The following GRIA4 variants were observed in gnomAD, a reference collection of about 807,000 sequenced individuals.
GRIA4 encodes the protein glutamate ionotropic receptor AMPA type subunit 4.
In GRIA4, 34 loss-of-function variants were observed where a neutral mutation model predicts 104.0. The observed-to-expected ratio is 0.33, with a 90% confidence interval of 0.25 to 0.44. The LOEUF is 0.44. Among genes scored for constraint, GRIA4 ranks in the 20% least tolerant of loss-of-function variants. GRIA4 has a pLI of 1.00. For synonymous variants in GRIA4, 386 were observed against 381.9 expected (o/e 1.01, Z -0.13); for missense variants, 750 against 1,096.5 (o/e 0.68, Z 4.46).
rs761094533 is a variant in GRIA4 at position 105,862,042 on chromosome 11, C to A, written c.506C>A (p.Ala169Asp). 4.3e-6 allele frequency: 7 copies of A among 1,610,136 alleles called. No homozygotes were observed. The South Asian group carries it at 7.7e-5, about 18-fold the overall frequency. Residue 169 changes from alanine (A) to aspartate (D), a missense_variant, in exon 5 of 17, where the codon GCT becomes GAT. Coordinates refer to ENST00000282499, the MANE Select transcript of GRIA4 (RefSeq NM_000829.4). ...CCAATAGGATACTCGATACTCCAAG[C>A]TATTATGGAAAAAGCAGGACAAAAT... The part of the protein sequence containing the change: ...DTDRGYSILQ[A>D]IMEKAGQNGW...
chr11:105,829,843 G>C (rs1387553303), intron 4 of GRIA4, among the ~76,000 whole-genome samples: 1 of 151,840 alleles, frequency 6.6e-6, no homozygotes, highest in Non-Finnish European at 1.5e-5. Context: ...CAGGCATAGG[G>C]AGGGCTGAGT....
Position 105,838,283 on chromosome 11 carries a change from A to C in GRIA4, c.488-23741A>C, listed in dbSNP as rs757123983. Among the ~76,000 whole-genome samples the C allele has an allele frequency of 3.4e-4, 51 of 152,178 alleles. 1 individual carries two copies. The highest frequency in any genetic ancestry group is 6.0e-4 in the Non-Finnish European group (41 of 68,024). The stretch of plus-strand genomic sequence containing the variant: ...TCAGTCTTTTTCTACACAATGATGT[A>C]GCATGTGTGTTTTATTTCATTCTGT... On this transcript the variant is annotated intron_variant, in intron 4 of 16. Transcript: ENST00000282499.
chr11:105,853,547 CT>C (rs1427898308), intron 4 of GRIA4, among the ~76,000 whole-genome samples: 1 of 152,132 alleles, frequency 6.6e-6, no homozygotes, highest in African/African-American at 2.4e-5. Context: ...TAGTTTTCAG[CT>C]CATTCCGATG....
chr11:105,758,697 T>G (rs2135710597), intron 4 of GRIA4, among the ~76,000 whole-genome samples: 1 of 152,286 alleles, frequency 6.6e-6, no homozygotes, highest in Middle Eastern at 3.4e-3. Context: ...ATGTCAAAAG[T>G]ATGCTTTACT....
At chr11:105,896,164 T>C (rs1483318231) in intron 6 of GRIA4, among the ~76,000 whole-genome samples, 2 of 152,210 alleles carry the variant, frequency 1.3e-5, no homozygotes, top group African/African-American at 4.8e-5. Flanking sequence ...TTTTCATTTT[T>C]TCTCTGATGA....
intron 3 of GRIA4, among the ~76,000 whole-genome samples, chr11:105,752,034 C>T (rs950345153): frequency 6.6e-6 from 1 of 152,132 alleles, no homozygotes. Flanking sequence ...ACCTCCTTTG[C>T]GAGCTTCTGT....
intron 7 of GRIA4, among the ~76,000 whole-genome samples, chr11:105,899,042 G>T (rs1180482594): frequency 6.6e-6 from 1 of 152,040 alleles, no homozygotes; most frequent in African/African-American, 2.4e-5. Flanking sequence ...AGTGGTTTGA[G>T]CCCCTACCTA....
chr11:105,638,193 G>A (rs1359355351), intron 3 of GRIA4, among the ~76,000 whole-genome samples: 1 of 152,132 alleles, frequency 6.6e-6, no homozygotes. Flanking sequence ...AAAGTTGTCA[G>A]CTGGAACACT....
chr11:105,971,793 C>T, intron 14 of GRIA4, 121 bp from the exon 15 acceptor site: 1 of 604,774 alleles, frequency 1.7e-6, no homozygotes, highest in Non-Finnish European at 3.0e-6. Flanking sequence ...GCCTACAGTA[C>T]AAGACATAGC....
Position 105,979,714 on chromosome 11 carries a change from C to T in GRIA4, c.2684C>T (p.Ala895Val), listed in dbSNP as rs1232531557. ...GTAIRQSSGL[A>V]VIASDLP The stretch of plus-strand genomic sequence containing the variant: ...GCAATCAGACAAAGTTCAGGATTGG[C>T]TGTCATTGCATCGGACCTACCATAA... Residue 895 changes from alanine (A) to valine (V), a missense_variant, in exon 17 of 17, where the codon GCT (alanine) becomes GTT (valine). Physicochemically the swap from Ala to Val is moderately conservative, Grantham distance 64. Around this residue, in one of 3 missense-constraint regions of GRIA4, gnomAD observed 68 missense variants for 69.3 expected, o/e 0.98. Transcript: ENST00000282499. 3 of 1,613,860 alleles carry T rather than the reference C, an allele frequency of 1.9e-6. No individual in the cohort carries two copies. The highest frequency in any genetic ancestry group is 1.1e-5 in the South Asian group (1 of 91,084).
chr11:105,772,391 C>T (rs1291846290), intron 4 of GRIA4, among the ~76,000 whole-genome samples: 1 of 152,102 alleles, frequency 6.6e-6, no homozygotes. Context: ...ACAGACAATT[C>T]ATCTTCTAAA....
At chr11:105,724,313 A>G (rs574458695) in intron 3 of GRIA4, among the ~76,000 whole-genome samples, 1 of 128,284 alleles carries the variant, frequency 7.8e-6, no homozygotes, top group African/African-American at 2.6e-5. Context: ...AATTAGATAA[A>G]TAAAATGTGA....
intron 4 of GRIA4, among the ~76,000 whole-genome samples, chr11:105,818,542 A>C (rs1464592853): frequency 6.6e-6 from 1 of 152,178 alleles, no homozygotes; most frequent in Non-Finnish European, 1.5e-5. Flanking sequence ...TAATAATAGC[A>C]ACAGAGATAA....
chr11:105,855,578 T>C lies in GRIA4; in HGVS notation c.488-6446T>C, dbSNP rs565330676. Among the ~76,000 whole-genome samples, 95 of 152,294 alleles carry C rather than the reference T, an allele frequency of 6.2e-4. 1 individual carries two copies. Among genetic ancestry groups the C allele is most frequent in the Non-Finnish European group, 1.8e-4 (12 of 68,010 alleles). On this transcript the variant is annotated intron_variant, in intron 4 of 16. Transcript: ENST00000282499. Reference sequence around the variant, plus strand: ...TAGTAATTATGCTAGATATTTATTCTGATTGGAAATTAGTCTTTTGCTATT... The same window carrying C: ...TAGTAATTATGCTAGATATTTATTCCGATTGGAAATTAGTCTTTTGCTATT...
At chr11:105,821,853 T>G (rs1468081163) in intron 4 of GRIA4, among the ~76,000 whole-genome samples, 3 of 152,158 alleles carry the variant, frequency 2.0e-5, no homozygotes, top group Non-Finnish European at 4.4e-5. Flanking sequence ...TGCCAGTAAC[T>G]GGCACAAACC....
At chr11:105,902,225 G>T (rs559890027) in intron 7 of GRIA4, among the ~76,000 whole-genome samples, 24 of 152,006 alleles carry the variant, frequency 1.6e-4, no homozygotes, top group Non-Finnish European at 3.5e-4. Flanking sequence ...TTCTTTGTTA[G>T]AATTAATGCT....
Position 105,924,468 on chromosome 11 carries a change from C to A in GRIA4, c.1546C>A (p.Pro516Thr). Residue 516 changes from proline (P) to threonine (T), a missense_variant, in exon 12 of 17, where the codon CCC becomes ACC. Physicochemically the swap from Pro to Thr is conservative, Grantham distance 38. This residue lies in a region of GRIA4 where 272 missense variants were observed against 524.5 expected (regional missense o/e 0.52). Transcript: ENST00000282499. ...AGAGGAGGTCATTGACTTTTCTAAG[C>A]CCTTCATGAGTTTGGGCATATCTAT... ...VREEVIDFSK[P>T]FMSLGISIMI... 1.2e-6 allele frequency: 2 copies of A among 1,612,028 alleles called. No homozygotes were observed. Among genetic ancestry groups the A allele is most frequent in the Non-Finnish European group, 1.7e-6 (2 of 1,178,380 alleles).
At chr11:105,697,401 C>T (rs1953321014) in intron 3 of GRIA4, among the ~76,000 whole-genome samples, 1 of 152,022 alleles carries the variant, frequency 6.6e-6, no homozygotes, top group Admixed American at 6.6e-5. Context: ...GGTTAAAAAC[C>T]CCTAAGCTAA....
chr11:105,924,499 T>A lies in GRIA4; in HGVS notation c.1577T>A (p.Ile526Asn). The change falls in exon 12 of 17, where the codon ATC becomes AAC. Residue 526 changes from isoleucine to asparagine, a missense_variant. Around this residue, in one of 3 missense-constraint regions of GRIA4, gnomAD observed 272 missense variants for 524.5 expected, o/e 0.52. Coordinates refer to ENST00000282499, the MANE Select transcript of GRIA4 (RefSeq NM_000829.4). ...PFMSLGISIMIKKPQKSKPGV... is the reference protein window; with the variant it reads ...PFMSLGISIMNKKPQKSKPGV... ...ATGAGTTTGGGCATATCTATCATGA[T>A]CAAAAAGCCTCAGAAATCCAAACCA... 6.2e-7 allele frequency: 1 copy of A among 1,613,258 alleles called. No homozygotes were observed. The highest frequency in any genetic ancestry group is 8.5e-7 in the Non-Finnish European group (1 of 1,179,398).
Sources: allele counts gnomAD v4.1 joint callset (sites outside exome capture counted in the v4.1 genomes callset), GRCh38; gene constraint gnomAD v4.1.1; regional missense constraint gnomAD v4.1.1; transcripts MANE v1.5; gene names NCBI Gene and HGNC (gene_info 2026-07-23, HGNC 2026-07-21).